Variants in MGAT5 observed in about 807,000 individuals in gnomAD.
MGAT5 encodes alpha-1,6-mannosylglycoprotein 6-beta-N-acetylglucosaminyltransferase, also known as alpha-1,6-mannosylglycoprotein 6-beta-N-acetylglucosaminyltransferase A.
In MGAT5, 30 loss-of-function variants were observed where a neutral mutation model predicts 94.3. That is an observed-to-expected ratio of 0.32 (90% CI 0.24 to 0.43). The LOEUF is 0.43. Ranked by LOEUF, MGAT5 falls within the 20% of genes least tolerant of loss-of-function variation. The pLI is 1.00. For missense variants in MGAT5, 691 were observed against 905.5 expected (o/e 0.76, Z 3.04); for synonymous variants, 310 against 322.9 (o/e 0.96, Z 0.43).
intron 1 of MGAT5, among the ~76,000 whole-genome samples, chr2:134,172,563 T>G (rs1688265845): frequency 6.6e-6 from 1 of 152,154 alleles, no homozygotes; most frequent in African/African-American, 2.4e-5. Context: ...ATTTTTTGTA[T>G]TTTTAGTAGA....
At chr2:134,426,115 T>C (rs3791317) in intron 13 of MGAT5, among the ~76,000 whole-genome samples, 48,421 of 151,906 alleles carry the variant, frequency 0.32, 9,499 homozygotes, top group African/African-American at 0.54. Context: ...TCAGAGGCTG[T>C]CAGGACTCTG....
intron 2 of MGAT5, among the ~76,000 whole-genome samples, chr2:134,307,299 G>A (rs958628120): frequency 2.0e-5 from 3 of 152,026 alleles, no homozygotes; most frequent in African/African-American, 7.2e-5. Context: ...TTTCAACTCC[G>A]GGGCCATTTA....
At chr2:134,417,957 C>G (rs917846724) in intron 12 of MGAT5, among the ~76,000 whole-genome samples, 1 of 152,096 alleles carries the variant, frequency 6.6e-6, no homozygotes, top group Non-Finnish European at 1.5e-5. Context: ...TCTTTTCTTA[C>G]TGCAGTTTCT....
At chr2:134,296,049 G>T (rs1256590689) in intron 2 of MGAT5, among the ~76,000 whole-genome samples, 1 of 152,116 alleles carries the variant, frequency 6.6e-6, no homozygotes, top group Non-Finnish European at 1.5e-5. Flanking sequence ...GTTCTTATTT[G>T]AATTTTGACT....
chr2:134,411,565 C>T (rs1683660623), intron 11 of MGAT5, among the ~76,000 whole-genome samples: 1 of 152,190 alleles, frequency 6.6e-6, no homozygotes, highest in South Asian at 2.1e-4. Flanking sequence ...TAGTGCTGTG[C>T]CCCAGAATTC....
At position 134,313,279 on chromosome 2, in the gene MGAT5, T is replaced by C. The variant is rs577977043; in HGVS notation, c.407-4250T>C. ...TATTTGTGACATCTCGTGCTGCTTC[T>C]GCTCCTGCAGTGTGTATGTTCCTCC... On this transcript the variant is annotated intron_variant, in intron 2 of 15. Transcript: ENST00000281923. Among the ~76,000 whole-genome samples, 5 of 152,304 alleles carry C rather than the reference T, an allele frequency of 3.3e-5. No homozygotes were observed. The East Asian group carries it at 9.7e-4, about 29-fold the overall frequency.
rs867159519 is a variant in MGAT5 at position 134,337,621 on chromosome 2, C to T, written c.646-638C>T. Among the ~76,000 whole-genome samples the T allele has an allele frequency of 3.3e-5, 5 of 152,198 alleles. No homozygotes were observed. In the South Asian group the frequency reaches 1.0e-3, roughly 32 times the overall value. On this transcript the variant is annotated intron_variant, in intron 5 of 15. Coordinates refer to ENST00000281923, the MANE Select transcript of MGAT5 (RefSeq NM_002410.5). ...TATTATTCCAATCACTCGTTGTATC[C>T]AGCTATATTATCCAGAGCATTAGGA...
rs113582076 is a variant in MGAT5, at chr2:134,189,592, G to GTTTTTTTTTTTTTTTTTTTTT, written c.-142-64661_-142-64660insTTTTTTTTTTTTTTTTTTTTT. Among the ~76,000 whole-genome samples, 61 of 56,258 alleles carry GTTTTTTTTTTTTTTTTTTTTT rather than the reference G, an allele frequency of 1.1e-3. 5 individuals are homozygous for GTTTTTTTTTTTTTTTTTTTTT. The highest frequency in any genetic ancestry group is 2.9e-3 in the African/African-American group (47 of 16,086). The allele number at this position is 56,258 out of a possible 152,430, so 36.9% of individuals were successfully genotyped here. A position where few individuals can be genotyped will look rare whatever the true frequency, so the allele number is the denominator to read the frequency against. On this transcript the variant is annotated intron_variant, in intron 1 of 16. Coordinates refer to the MGAT5 transcript ENST00000409645. ...ACATATGACTAACCTCATGGCTCTA[G>GTTTTTTTTTTTTTTTTTTTTT]TTTTTTTTTGTTTTTTTTTTTTTTT...
At chr2:134,249,787 G>C (rs945751480), upstream of MGAT5, among the ~76,000 whole-genome samples, 2 of 152,214 alleles carry the variant, frequency 1.3e-5, no homozygotes, top group Non-Finnish European at 2.9e-5. Context: ...CCTAGAAGCA[G>C]AATTGTTTGG....
At chr2:134,262,561 T>C (rs1683404033) in intron 1 of MGAT5, among the ~76,000 whole-genome samples, 1 of 152,000 alleles carries the variant, frequency 6.6e-6, no homozygotes, top group Non-Finnish European at 1.5e-5. Flanking sequence ...AACAAAAGTT[T>C]TTTTTCTAAA....
chr2:134,178,985 A>G (rs553066706), intron 1 of MGAT5, among the ~76,000 whole-genome samples: 1 of 152,302 alleles, frequency 6.6e-6, no homozygotes, highest in African/African-American at 2.4e-5. Flanking sequence ...CCTCATTAAT[A>G]CTTATTTGTA....
At chr2:134,303,879 T>C (rs927917608) in intron 2 of MGAT5, among the ~76,000 whole-genome samples, 1 of 152,166 alleles carries the variant, frequency 6.6e-6, no homozygotes, top group Non-Finnish European at 1.5e-5. Context: ...CTTCCAGACT[T>C]GATAGTCCCC....
intron 9 of MGAT5, among the ~76,000 whole-genome samples, chr2:134,352,781 A>G (rs1308055526): frequency 6.6e-6 from 1 of 152,218 alleles, no homozygotes; most frequent in Non-Finnish European, 1.5e-5. Flanking sequence ...AGTATTCCTA[A>G]TAGCCATGAG....
chr2:134,308,012 G>A (rs1686431371), intron 2 of MGAT5, among the ~76,000 whole-genome samples: 1 of 152,128 alleles, frequency 6.6e-6, no homozygotes, highest in African/African-American at 2.4e-5. Flanking sequence ...GCTAGGAATG[G>A]CTAACTTGTG....
chr2:134,283,392 G>A (rs879522413), intron 2 of MGAT5, among the ~76,000 whole-genome samples: 2 of 152,164 alleles, frequency 1.3e-5, no homozygotes, highest in Admixed American at 6.5e-5. Context: ...ATGTGCCTTT[G>A]TTCCATAAGT....
intron 1 of MGAT5, among the ~76,000 whole-genome samples, chr2:134,199,971 C>T (rs1679699575): frequency 6.6e-6 from 1 of 152,168 alleles, no homozygotes; most frequent in South Asian, 2.1e-4. Context: ...AACCCACAAA[C>T]AGTCTTAAAA....
intron 12 of MGAT5, among the ~76,000 whole-genome samples, chr2:134,416,311 T>C (rs919527380): frequency 6.6e-6 from 1 of 152,172 alleles, no homozygotes; most frequent in Non-Finnish European, 1.5e-5. Context: ...TCTCAACCCC[T>C]GGTAAACCTC....
At chr2:134,446,628 T>C (rs1347408142) in intron 15 of MGAT5, among the ~76,000 whole-genome samples, 2 of 152,162 alleles carry the variant, frequency 1.3e-5, no homozygotes, top group Non-Finnish European at 2.9e-5. Flanking sequence ...CTTCCTGCCC[T>C]CTCCCTTCAT....
intron 1 of MGAT5, among the ~76,000 whole-genome samples, chr2:134,184,875 AG>A (rs1688927978): frequency 6.6e-6 from 1 of 152,100 alleles, no homozygotes; most frequent in African/African-American, 2.4e-5. Context: ...GACATTTCAG[AG>A]GCAAGGGAGA....
Sources: allele counts gnomAD v4.1 joint callset (sites outside exome capture counted in the v4.1 genomes callset), GRCh38; gene constraint gnomAD v4.1.1; transcripts MANE v1.5; gene names NCBI Gene and HGNC (gene_info 2026-07-23, HGNC 2026-07-21).